Variants in LRRC4C observed in about 807,000 individuals in gnomAD.
The protein encoded by LRRC4C is leucine rich repeat containing 4C.
In LRRC4C, 5 loss-of-function variants were observed where a neutral mutation model predicts 33.6. That is an observed-to-expected ratio of 0.15 (90% confidence interval 0.08 to 0.31). The LOEUF is 0.31. Ranked by LOEUF, LRRC4C falls within the 10% of genes least tolerant of loss-of-function variation. The pLI is 1.00. For synonymous variants in LRRC4C, 329 were observed against 302.0 expected, an observed-to-expected ratio of 1.09 and a Z score of -0.93; for missense variants, 560 against 796.7, an observed-to-expected ratio of 0.70 and a Z score of 3.58.
chr11:40,598,565 AC>A (rs1382069504), intron 3 of LRRC4C, among the ~76,000 whole-genome samples: 1 of 152,218 alleles, frequency 6.6e-6, no homozygotes, highest in African/African-American at 2.4e-5. Context: ...ATAAAGGCCA[AC>A]TAGCAGGTGC....
At chr11:40,890,862 C>T (rs971797477) in intron 2 of LRRC4C, among the ~76,000 whole-genome samples, 1 of 151,986 alleles carries the variant, frequency 6.6e-6, no homozygotes, top group South Asian at 2.1e-4. Flanking sequence ...AAAAAAATTG[C>T]AAACATATCC....
At chr11:40,262,242 C>T (rs139708157) in intron 4 of LRRC4C, among the ~76,000 whole-genome samples, 48 of 152,030 alleles carry the variant, frequency 3.2e-4, no homozygotes, top group African/African-American at 9.9e-4. Flanking sequence ...TTCATCATCA[C>T]GGGTCATTAG....
rs549416189 is a variant in LRRC4C at position 41,136,014 on chromosome 11, C to A, written c.-495-202291G>T. 1.2e-4 allele frequency among the ~76,000 whole-genome samples: 18 copies of A among 152,278 alleles called. No homozygotes were observed. The East Asian group carries it at 3.5e-3, about 29-fold the overall frequency. ...GAGTATATACTGTGTGTTCATCCATCCAGCCATTCATCCATCAATCTAGCC... is the reference window on the plus strand; with the variant it reads ...GAGTATATACTGTGTGTTCATCCATACAGCCATTCATCCATCAATCTAGCC... On this transcript the variant is annotated intron_variant, in intron 1 of 6. Transcript: ENST00000528697.
chr11:41,221,288 GAA>G (rs1245339365), intron 1 of LRRC4C, among the ~76,000 whole-genome samples: 1 of 119,246 alleles, frequency 8.4e-6, no homozygotes, highest in African/African-American at 2.9e-5. Context: ...ACCATCATAT[GAA>G]AAAAAAAAAA....
At chr11:40,922,574 G>A (rs1408719492) in intron 2 of LRRC4C, among the ~76,000 whole-genome samples, 1 of 152,036 alleles carries the variant, frequency 6.6e-6, no homozygotes, top group African/African-American at 2.4e-5. Context: ...GATGTGATTC[G>A]TCACCAAAAG....
intron 1 of LRRC4C, among the ~76,000 whole-genome samples, chr11:41,028,400 T>C (rs1415496341): frequency 1.3e-5 from 2 of 151,690 alleles, no homozygotes; most frequent in African/African-American, 2.4e-5. Context: ...ATGTATACTC[T>C]CTCAAAATCC....
chr11:41,150,423 T>G (rs540195991), intron 1 of LRRC4C, among the ~76,000 whole-genome samples: 1 of 152,344 alleles, frequency 6.6e-6, no homozygotes, highest in African/African-American at 2.4e-5. Flanking sequence ...ATCTTCAAAT[T>G]TAATCTAAAT....
At chr11:40,540,259 G>T (rs977049069) in intron 3 of LRRC4C, among the ~76,000 whole-genome samples, 9 of 152,134 alleles carry the variant, frequency 5.9e-5, no homozygotes, top group African/African-American at 2.2e-4. Context: ...ACTTTCTGTT[G>T]TAGCGCTGGC....
At chr11:41,315,279 AT>A (rs762961592) in intron 1 of LRRC4C, among the ~76,000 whole-genome samples, 3 of 152,194 alleles carry the variant, frequency 2.0e-5, no homozygotes, top group Non-Finnish European at 4.4e-5. Flanking sequence ...ATCTTCTGGT[AT>A]TCATGCCATT....
At chr11:40,568,334 C>T (rs552819983) in intron 3 of LRRC4C, among the ~76,000 whole-genome samples, 3 of 152,308 alleles carry the variant, frequency 2.0e-5, no homozygotes, top group South Asian at 2.1e-4. Flanking sequence ...TGGGAAGTGA[C>T]TCCTCCACAG....
intron 1 of LRRC4C, among the ~76,000 whole-genome samples, chr11:41,223,235 G>A (rs868323202): frequency 4.6e-5 from 7 of 152,100 alleles, no homozygotes; most frequent in African/African-American, 1.7e-4. Context: ...TGACTCCATC[G>A]TTGATGTGAG....
chr11:40,122,297 G>C (rs554640968), intron 6 of LRRC4C, among the ~76,000 whole-genome samples: 1 of 152,062 alleles, frequency 6.6e-6, no homozygotes, highest in East Asian at 1.9e-4. Context: ...AGGACGTGCA[G>C]GTTTGTTACA....
chr11:40,508,695 T>C (rs17406736), intron 3 of LRRC4C, among the ~76,000 whole-genome samples: 14,316 of 152,204 alleles, frequency 0.094, 805 homozygotes, highest in Middle Eastern at 0.15. Flanking sequence ...ACTTTTAGAA[T>C]GAATTGTTAT....
chr11:40,718,469 C>A (rs972294048), intron 2 of LRRC4C, among the ~76,000 whole-genome samples: 22 of 152,110 alleles, frequency 1.4e-4, no homozygotes, highest in African/African-American at 5.3e-4. Context: ...TTAACCACTG[C>A]TTTCATGCAG....
chr11:40,597,882 CATA>C (rs1959526976), intron 3 of LRRC4C, among the ~76,000 whole-genome samples: 1 of 152,156 alleles, frequency 6.6e-6, no homozygotes, highest in African/African-American at 2.4e-5. Flanking sequence ...CAATAGTTTG[CATA>C]ATATTTTTGG....
chr11:40,364,203 T>C (rs998459044), intron 3 of LRRC4C, among the ~76,000 whole-genome samples: 4 of 151,682 alleles, frequency 2.6e-5, no homozygotes, highest in African/African-American at 9.7e-5. Context: ...AACAAGAAAA[T>C]TATCAGGTAT....
At chr11:40,251,091 T>A (rs1396828678) in intron 4 of LRRC4C, among the ~76,000 whole-genome samples, 1 of 152,154 alleles carries the variant, frequency 6.6e-6, no homozygotes, top group Non-Finnish European at 1.5e-5. Flanking sequence ...AACAAATGCA[T>A]AAACAAGACC....
At chr11:41,419,341 C>T (rs1156655111) in intron 1 of LRRC4C, among the ~76,000 whole-genome samples, 1 of 151,882 alleles carries the variant, frequency 6.6e-6, no homozygotes, top group Non-Finnish European at 1.5e-5. Flanking sequence ...GGCTAACTGT[C>T]CTTCCTCAAG....
chr11:41,203,338 C>T (rs544903112), intron 1 of LRRC4C, among the ~76,000 whole-genome samples: 1 of 152,260 alleles, frequency 6.6e-6, no homozygotes, highest in South Asian at 2.1e-4. Flanking sequence ...ATCCAAGATG[C>T]TGAGGAGAAG....
Sources: gnomAD v4.1 joint callset for allele counts (sites outside exome capture counted in the v4.1 genomes callset) on GRCh38, gnomAD v4.1.1 for gene constraint, MANE v1.5 for transcripts, NCBI Gene and HGNC (gene_info 2026-07-23, HGNC 2026-07-21) for gene names.